FRMD4A: variants seen among roughly 807,000 people sequenced by gnomAD.
The protein encoded by FRMD4A is FERM domain containing 4A.
In FRMD4A, 29 loss-of-function variants were observed where a neutral mutation model predicts 129.1. The observed-to-expected ratio is 0.22, with a 90% CI of 0.17 to 0.31. The LOEUF (loss-of-function observed/expected upper bound fraction) is 0.31. Ranked by LOEUF, FRMD4A falls within the 10% of genes least tolerant of loss-of-function variation. FRMD4A has a pLI of 1.00. For synonymous variants in FRMD4A, 634 were observed against 571.6 expected (o/e 1.11, Z -1.56); for missense variants, 1,272 against 1,375.8 (o/e 0.92, Z 1.19).
intron 21 of FRMD4A, among the ~76,000 whole-genome samples, chr10:13,657,803 T>TTTTTTTTTTA (rs1554826507): frequency 1.3e-5 from 2 of 150,692 alleles, no homozygotes; most frequent in African/African-American, 2.4e-5. Flanking sequence ...TTTTTTTTTT[T>TTTTTTTTTTA]AAATAATTCT....
chr10:14,090,966 G>T (rs988936196), intron 2 of FRMD4A, among the ~76,000 whole-genome samples: 2 of 151,970 alleles, frequency 1.3e-5, no homozygotes, highest in Non-Finnish European at 2.9e-5. Flanking sequence ...ACACCACCAC[G>T]CCCAGCTCAA....
At chr10:14,240,439 A>G (rs1024867549) in intron 2 of FRMD4A, among the ~76,000 whole-genome samples, 17 of 152,132 alleles carry the variant, frequency 1.1e-4, no homozygotes, top group Admixed American at 1.1e-3. Flanking sequence ...CACGATCTGC[A>G]GCGATTCCCA....
chr10:14,255,484 A>G (rs994191346), intron 2 of FRMD4A, among the ~76,000 whole-genome samples: 30 of 152,234 alleles, frequency 2.0e-4, no homozygotes, highest in Non-Finnish European at 4.1e-4. Context: ...GTTGCACCGC[A>G]TACTTGGAAT....
intron 2 of FRMD4A, among the ~76,000 whole-genome samples, chr10:14,073,309 A>G (rs1835404561): frequency 6.6e-6 from 1 of 152,138 alleles, no homozygotes; most frequent in African/African-American, 2.4e-5. Context: ...GAGGGCTACA[A>G]GGTGACAGAT....
At chr10:14,065,215 GCT>G (rs1834999281) in intron 2 of FRMD4A, among the ~76,000 whole-genome samples, 1 of 151,800 alleles carries the variant, frequency 6.6e-6, no homozygotes, top group African/African-American at 2.4e-5. Context: ...GGAGGATCTC[GCT>G]CTGTCACCCA....
intron 2 of FRMD4A, among the ~76,000 whole-genome samples, chr10:14,328,516 C>T (rs976094154): frequency 2.0e-5 from 3 of 151,780 alleles, no homozygotes; most frequent in Non-Finnish European, 4.4e-5. Context: ...CTGAGACAAG[C>T]GGGTCTAACT....
chr10:13,739,452 G>A (rs377332304), intron 11 of FRMD4A, among the ~76,000 whole-genome samples: 1 of 152,184 alleles, frequency 6.6e-6, no homozygotes, highest in African/African-American at 2.4e-5. Flanking sequence ...GCTGGGCCAG[G>A]TTTCCTGGAT....
intron 3 of FRMD4A, among the ~76,000 whole-genome samples, chr10:13,838,959 T>A (rs138404529): frequency 3.0e-4 from 45 of 151,330 alleles, no homozygotes; most frequent in African/African-American, 1.1e-3. Flanking sequence ...ATGATTAATA[T>A]GACTTTAGGG....
intron 2 of FRMD4A, among the ~76,000 whole-genome samples, chr10:14,189,631 C>G (rs1429296632): frequency 6.6e-6 from 1 of 152,092 alleles, no homozygotes; most frequent in Admixed American, 6.5e-5. Flanking sequence ...TTCTCTGTAC[C>G]AAGTAACATT....
At chr10:13,856,335 A>T (rs2094214007) in intron 3 of FRMD4A, among the ~76,000 whole-genome samples, 2 of 151,772 alleles carry the variant, frequency 1.3e-5, no homozygotes, top group Admixed American at 1.3e-4. Context: ...AAGACATCTT[A>T]GGTTTGTCCA....
Position 13,678,536 on chromosome 10 carries a change from A to G in FRMD4A, c.1118-3492T>C, listed in dbSNP as rs556690140. 2.4e-4 allele frequency among the ~76,000 whole-genome samples: 36 copies of G among 152,362 alleles called. No homozygotes were observed. The South Asian group carries it at 7.5e-3, about 32-fold the overall frequency. On this transcript the variant is annotated intron_variant, in intron 15 of 24. Coordinates refer to ENST00000357447, the MANE Select transcript of FRMD4A (RefSeq NM_018027.5). ...CTGAATGAGAAAACACATCTCCAGC[A>G]CTTTGCACTGGGCCTGGAATAGGTC...
chr10:14,193,512 G>A (rs1256602732), intron 2 of FRMD4A, among the ~76,000 whole-genome samples: 1 of 134,706 alleles, frequency 7.4e-6, no homozygotes, highest in Non-Finnish European at 1.6e-5. Flanking sequence ...ATGGAAACTT[G>A]TAGAGTGAAT....
intron 2 of FRMD4A, among the ~76,000 whole-genome samples, chr10:13,992,759 G>T (rs573095763): frequency 6.3e-4 from 96 of 152,024 alleles, no homozygotes. Context: ...TTCAAGACCA[G>T]CTTGACCAAA....
chr10:14,009,402 T>A (rs999330617), intron 2 of FRMD4A, among the ~76,000 whole-genome samples: 5 of 152,196 alleles, frequency 3.3e-5, no homozygotes, highest in Admixed American at 2.6e-4. Flanking sequence ...ATTTCCTTTG[T>A]AATCATCCCG....
chr10:14,127,451 G>A (rs751213973), intron 2 of FRMD4A, among the ~76,000 whole-genome samples: 3 of 152,200 alleles, frequency 2.0e-5, no homozygotes, highest in Non-Finnish European at 4.4e-5. Flanking sequence ...CTGGAGAAGC[G>A]AAAGATGGAG....
rs571650481 is a variant in FRMD4A at position 14,021,487 on chromosome 10, G to T, written c.46-162575C>A. Among the ~76,000 whole-genome samples the T allele has an allele frequency of 2.0e-4, 31 of 152,210 alleles. No individual in the cohort carries two copies. The South Asian group carries it at 4.8e-3, about 23-fold the overall frequency. On this transcript the variant is annotated intron_variant, in intron 2 of 24. Transcript: ENST00000357447. ...TGGGAGGATTGTTTGAGCCCAGGAGGTCGAGGCTGCAGTGAGCCAACATCA... is the reference window on the plus strand; with the variant it reads ...TGGGAGGATTGTTTGAGCCCAGGAGTTCGAGGCTGCAGTGAGCCAACATCA...
chr10:14,262,269 C>A (rs1589240389), intron 2 of FRMD4A, among the ~76,000 whole-genome samples: 1 of 152,200 alleles, frequency 6.6e-6, no homozygotes, highest in Non-Finnish European at 1.5e-5. Context: ...TATCTCTTCT[C>A]TTGGCCCCTG....
chr10:14,229,927 C>A (rs976604114), intron 2 of FRMD4A, among the ~76,000 whole-genome samples: 2 of 152,202 alleles, frequency 1.3e-5, no homozygotes, highest in Admixed American at 1.3e-4. Flanking sequence ...ATGAATTGTC[C>A]TATGAACTAT....
At chr10:14,123,885 A>G (rs1444587394) in intron 2 of FRMD4A, among the ~76,000 whole-genome samples, 1 of 152,218 alleles carries the variant, frequency 6.6e-6, no homozygotes, top group African/African-American at 2.4e-5. Flanking sequence ...TCATTTAGGT[A>G]ACGTCTTGCA....
Sources: gnomAD v4.1 joint callset for allele counts (sites outside exome capture counted in the v4.1 genomes callset) on GRCh38, gnomAD v4.1.1 for gene constraint, MANE v1.5 for transcripts, NCBI Gene and HGNC (gene_info 2026-07-23, HGNC 2026-07-21) for gene names.